Variants in ZNF425 observed in about 807,000 individuals in gnomAD.
ZNF425 encodes zinc finger protein 425.
A neutral mutation model predicts 17.0 loss-of-function variants in ZNF425; 21 were observed. The observed-to-expected ratio is 1.23, with a 90% CI of 0.88 to 1.78. ZNF425 has a LOEUF of 1.78. Ranked by LOEUF, ZNF425 falls within the 40% of genes most tolerant of loss-of-function variation. The pLI is 0.00. For missense variants in ZNF425, 868 were observed against 967.3 expected (o/e 0.90, Z 1.36); for synonymous variants, 433 against 384.1 (o/e 1.13, Z -1.49).
chr7:149,114,922 CTTTCTTTTCTTTTTTTTTTTT>C (rs1826235912), intron 2 of ZNF425, among the ~76,000 whole-genome samples: 1 of 133,824 alleles, frequency 7.5e-6, no homozygotes, highest in African/African-American at 3.0e-5. Flanking sequence ...TTTTTCTTTT[CTTTCTTTTCTTTTTTTTTTTT>C]TTTTTTTTTG....
chr7:149,111,982 C>T, intron 3 of ZNF425, 155 bp downstream of exon 3: 1 of 695,690 alleles, frequency 1.4e-6, no homozygotes, highest in Non-Finnish European at 2.3e-6. Flanking sequence ...ACGCCCAGCC[C>T]ACATTTGCTA....
chr7:149,105,188 C>T lies in ZNF425; in HGVS notation c.683G>A (p.Arg228Lys). 1 of 1,614,212 alleles carries T rather than the reference C, an allele frequency of 6.2e-7. No homozygotes were observed. The highest frequency in any genetic ancestry group is 8.5e-7 in the Non-Finnish European group (1 of 1,180,042). Residue 228 changes from arginine to lysine, a missense_variant, in exon 4 of 4, where the codon AGA (arginine) becomes AAA (lysine). This residue lies in a region of ZNF425 where 243 missense variants were observed against 265.2 expected (regional missense o/e 0.92). Transcript: ENST00000378061. ...CGTCCGCCTGAGTTCGGACTTCCCT[C>T]TGGACGAGTTTTTGTACTTTGGGTA... ...CRYPKYKNSS[R>K]GKSELRRTQR...
rs753708554 is a variant in ZNF425, at chr7:149,103,899, G to A, written c.1972C>T (p.Arg658Ter). Residue 658 changes from arginine (R) to a stop codon, truncating the protein, a stop_gained, in exon 4 of 4, where the codon CGA becomes TGA. Transcript: ENST00000378061. LOFTEE classifies it low-confidence loss of function (END_TRUNC). ...TQQYRLTEHI[R>*]VHSGEKPFQC... ...AAGGGCTTCTCCCCGCTGTGGACTCGAATGTGTTCTGTGAGCCGGTACTGT... is the reference window on the plus strand; with the variant it reads ...AAGGGCTTCTCCCCGCTGTGGACTCAAATGTGTTCTGTGAGCCGGTACTGT... The A allele has an allele frequency of 5.0e-6, 8 of 1,613,618 alleles. No homozygotes were observed. Among genetic ancestry groups the A allele is most frequent in the South Asian group, 2.2e-5 (2 of 91,036 alleles).
chr7:149,114,154 G>A (rs1481659228), intron 2 of ZNF425, among the ~76,000 whole-genome samples: 1 of 151,834 alleles, frequency 6.6e-6, no homozygotes, highest in Admixed American at 6.6e-5. Context: ...TGCCTCCCGG[G>A]TTCAAGCGAT....
rs1259795300 is a variant in ZNF425 at position 149,104,935 on chromosome 7, C to T, written c.936G>A (p.Val312=). The change falls in exon 4 of 4, where the codon GTG becomes GTA. Residue 312 remains valine (V), a synonymous_variant. Coordinates refer to ENST00000378061, the MANE Select transcript of ZNF425 (RefSeq NM_001001661.3). The surrounding 1 kb of genome is among the most constrained non-coding windows in gnomAD (Gnocchi z 4.3). ...AGTGCTCCGTGAGCTCGCACTGCTG[C>T]ACGAAGGCCCGGCCGCACTCCCCGC... ...FCCGECGRAF[V]QQCELTEHLR... 4.3e-6 allele frequency: 7 copies of T among 1,613,824 alleles called. No homozygotes were observed. The highest frequency in any genetic ancestry group is 1.7e-4 in the Middle Eastern group (1 of 6,050).
intron 3 of ZNF425, among the ~76,000 whole-genome samples, chr7:149,106,540 A>G (rs1282280781): frequency 6.6e-6 from 1 of 152,154 alleles, no homozygotes; most frequent in African/African-American, 2.4e-5. Context: ...CTAGCCATTC[A>G]AGGACTGTCT....
In ZNF425 at chr7:149,104,265, G is replaced by A. The variant is rs759790814; in HGVS notation, c.1606C>T (p.Arg536Cys). 16 of 1,613,478 alleles carry A rather than the reference G, an allele frequency of 9.9e-6. No individual in the cohort carries two copies. The highest frequency in any genetic ancestry group is 1.7e-5 in the Admixed American group (1 of 59,996). Residue 536 changes from arginine (R) to cysteine (C), a missense_variant, in exon 4 of 4, where the codon CGC becomes TGC. Physicochemically the swap from Arg to Cys is radical, Grantham distance 180. This residue lies in a region of ZNF425 where 437 missense variants were observed against 444.2 expected (regional missense o/e 0.98). Coordinates refer to ENST00000378061, the MANE Select transcript of ZNF425 (RefSeq NM_001001661.3). The surrounding 1 kb of genome is among the most constrained non-coding windows in gnomAD (Gnocchi z 4.3). The part of the protein sequence containing the change: ...FSCAECGRSF[R>C]RRAHLTEHTR... ...TGCTCTGTGAGATGCGCGCGTCGGC[G>A]GAAACTGCGGCCGCACTCGGCGCAG... is the stretch of plus-strand genomic sequence containing the variant.
Position 149,104,960 on chromosome 7 carries a change from C to G in ZNF425, c.911G>C (p.Cys304Ser). The G allele has an allele frequency of 6.2e-7, 1 of 1,614,106 alleles. No homozygotes were observed. Among genetic ancestry groups the G allele is most frequent in the Non-Finnish European group, 8.5e-7 (1 of 1,180,044 alleles). Reference protein sequence around the residue: ...CLHRGERPFCCGECGRAFVQQ... With the variant: ...CLHRGERPFCSGECGRAFVQQ... ...CACGAAGGCCCGGCCGCACTCCCCG[C>G]AGCAGAACGGCCGCTCCCCGCGGTG... Residue 304 changes from cysteine (C) to serine (S), a missense_variant, in exon 4 of 4, where the codon TGC (cysteine) becomes TCC (serine). By Grantham distance (112) the Cys-to-Ser change is moderately radical. Around this residue, in one of 5 missense-constraint regions of ZNF425, gnomAD observed 243 missense variants for 265.2 expected, o/e 0.92. Transcript: ENST00000378061. The surrounding 1 kb of genome is among the most constrained non-coding windows in gnomAD (Gnocchi z 4.3).
chr7:149,117,135 G>A (rs1417109239), intron 2 of ZNF425, among the ~76,000 whole-genome samples: 1 of 151,902 alleles, frequency 6.6e-6, no homozygotes, highest in East Asian at 1.9e-4. Context: ...GCGGTGGCGG[G>A]CACCTGTAGT....
intron 2 of ZNF425, among the ~76,000 whole-genome samples, chr7:149,117,212 G>A (rs900308443): frequency 6.6e-5 from 10 of 151,450 alleles, no homozygotes; most frequent in African/African-American, 2.2e-4. Context: ...TGCAGTGAGC[G>A]GAGATTACAC....
chr7:149,115,234 G>A (rs1006923474), intron 2 of ZNF425, among the ~76,000 whole-genome samples: 11 of 151,272 alleles, frequency 7.3e-5, no homozygotes, highest in Non-Finnish European at 1.2e-4. Context: ...ACAGGCATGA[G>A]CCCCCACGCC....
At chr7:149,117,261 A>T (rs1826280492) in intron 2 of ZNF425, among the ~76,000 whole-genome samples, 1 of 151,820 alleles carries the variant, frequency 6.6e-6, no homozygotes, top group African/African-American at 2.4e-5. Context: ...AAAAAAAAAA[A>T]AGAAATGGTT....
chr7:149,112,973 CTTT>C lies in ZNF425; in HGVS notation c.146-681_146-679del, dbSNP rs35291501. On this transcript the variant is annotated intron_variant, in intron 2 of 3. Transcript: ENST00000378061. ...AGCCACCGCGCCCAGCCCCGTGACC[CTTT>C]TTTTTTTTTTTTTTTTTTTAGACAG... Among the ~76,000 whole-genome samples, 28 of 123,952 alleles carry C rather than the reference CTTT, an allele frequency of 2.3e-4. No homozygotes were observed. The South Asian group carries it at 5.5e-3, about 24-fold the overall frequency. 81.3% of individuals were successfully genotyped at this position (123,952 alleles called of 152,430 possible). A position where few individuals can be genotyped will look rare whatever the true frequency, so the allele number is the denominator to read the frequency against.
At chr7:149,124,901 A>C (rs1177148588) in intron 1 of ZNF425, among the ~76,000 whole-genome samples, 1 of 152,230 alleles carries the variant, frequency 6.6e-6, no homozygotes, top group Non-Finnish European at 1.5e-5. Flanking sequence ...TTAGCATTAA[A>C]CTGCTACAGT....
At chr7:149,112,386 C>A in intron 2 of ZNF425, 91 bp from the exon 3 acceptor site, 3 of 1,187,012 alleles carry the variant, frequency 2.5e-6, no homozygotes, top group Non-Finnish European at 3.6e-6. Context: ...GTAATCCCAG[C>A]ACTTTGGGAG....
At chr7:149,122,164 C>A (rs1452921164) in intron 1 of ZNF425, among the ~76,000 whole-genome samples, 1 of 151,390 alleles carries the variant, frequency 6.6e-6, no homozygotes, top group Non-Finnish European at 1.5e-5. Context: ...ATCTCCTGAC[C>A]TCGTGATCCG....
chr7:149,125,932 C>T lies in ZNF425; in HGVS notation c.18+264G>A, dbSNP rs577670163. The T allele has an allele frequency of 4.8e-4, 311 of 651,236 alleles. 5 individuals are homozygous for T. The Middle Eastern group carries it at 5.5e-3, about 12-fold the overall frequency. The allele number at this position is 651,236 out of a possible 1,614,324, so 40.3% of individuals were successfully genotyped here. On this transcript the variant is annotated intron_variant, in intron 1 of 3. Coordinates refer to ENST00000378061, the MANE Select transcript of ZNF425 (RefSeq NM_001001661.3). Reference sequence around the variant, plus strand: ...AGAGCTCCCGGGCTCAAGCGCTGCTCCCGCCTCAGCCTTCCGAGTGGCCGG... The same window carrying T: ...AGAGCTCCCGGGCTCAAGCGCTGCTTCCGCCTCAGCCTTCCGAGTGGCCGG...
Position 149,111,729 on chromosome 7 carries a change from GAGTGCAATGGCAT to G in ZNF425, c.304+395_304+407del, listed in dbSNP as rs947720839. Among the ~76,000 whole-genome samples, 8 of 150,174 alleles carry G rather than the reference GAGTGCAATGGCAT, an allele frequency of 5.3e-5. No individual in the cohort carries two copies. In the East Asian group the frequency reaches 1.4e-3, roughly 26 times the overall value. ...GAGTCTCGCTCTGTCTCCCAGGCTG[GAGTGCAATGGCAT>G]GACATTGGCTCACCACAACCTCCGC... On this transcript the variant is annotated intron_variant, in intron 3 of 3. Transcript: ENST00000378061.
chr7:149,115,904 T>G (rs1282910459), intron 2 of ZNF425, among the ~76,000 whole-genome samples: 1 of 152,184 alleles, frequency 6.6e-6, no homozygotes, highest in African/African-American at 2.4e-5. Context: ...CCGAACCTGC[T>G]AAATCCTAAG....
Sources: allele counts gnomAD v4.1 joint callset (sites outside exome capture counted in the v4.1 genomes callset), GRCh38; gene constraint gnomAD v4.1.1; regional missense constraint gnomAD v4.1.1; non-coding constraint Gnocchi (gnomAD v3.1); transcripts MANE v1.5; gene names NCBI Gene and HGNC (gene_info 2026-07-23, HGNC 2026-07-21).